The following HDAC9 variants were observed in gnomAD, a reference collection of about 807,000 sequenced individuals.
The protein encoded by HDAC9 is histone deacetylase 9, also known as MEF-2 interacting transcription repressor (MITR) protein.
HDAC9 carries 41 observed loss-of-function variants against 139.4 expected under a neutral mutation model. The observed-to-expected ratio is 0.29, with a 90% CI of 0.23 to 0.38. The LOEUF is 0.38. Among genes scored for constraint, HDAC9 ranks in the 10% least tolerant of loss-of-function variants. The probability of loss-of-function intolerance (pLI) is 1.00; values close to 1 mark genes in which losing one functional copy is unlikely to be tolerated. For missense variants in HDAC9, 1,147 were observed against 1,297.0 expected, an observed-to-expected ratio of 0.88 and a Z score of 1.78; for synonymous variants, 517 against 476.2, an observed-to-expected ratio of 1.09 and a Z score of -1.12.
chr7:18,859,850 A>ATGTGTGTGTGTGTGTGTGTGTGTG (rs1157775071), intron 21 of HDAC9, among the ~76,000 whole-genome samples: 26 of 123,400 alleles, frequency 2.1e-4, no homozygotes, highest in Non-Finnish European at 3.2e-4. Context: ...ATATATATAT[A>ATGTGTGTGTGTGTGTGTGTGTGTG]TATATATATG....
intron 17 of HDAC9, among the ~76,000 whole-genome samples, chr7:18,805,818 A>C (rs1165759253): frequency 6.6e-6 from 1 of 152,242 alleles, no homozygotes; most frequent in Non-Finnish European, 1.5e-5. Flanking sequence ...TTGCTAATCC[A>C]GTCTTTATGA....
At chr7:18,900,538 C>T (rs1024854307) in intron 22 of HDAC9, among the ~76,000 whole-genome samples, 2 of 152,112 alleles carry the variant, frequency 1.3e-5, no homozygotes, top group African/African-American at 4.8e-5. Context: ...TTTTGAAGTC[C>T]ATGGCCAAGA....
At chr7:18,304,005 G>T (rs613852) in intron 1 of HDAC9, among the ~76,000 whole-genome samples, 25,103 of 152,194 alleles carry the variant, frequency 0.16, 2,195 homozygotes, top group East Asian at 0.26. Flanking sequence ...TGGTTTCTTT[G>T]TTACAGCAGC....
chr7:18,214,270 T>C (rs1005657496), intron 2 of HDAC9, among the ~76,000 whole-genome samples: 1 of 152,120 alleles, frequency 6.6e-6, no homozygotes, highest in Admixed American at 6.6e-5. Context: ...TTGAAGCTAC[T>C]CTTGTATTAA....
rs1283505384 is a variant in HDAC9, at chr7:18,878,597, A to G, written c.2803+4001A>G. ...TCAATAGACATAGAAAAGGCTTTCG[A>G]TAAAATTCAACGCCCCTTCTTGATA... On this transcript the variant is annotated intron_variant, in intron 22 of 25. Transcript: ENST00000686413. Among the ~76,000 whole-genome samples, 6 of 152,328 alleles carry G rather than the reference A, an allele frequency of 3.9e-5. No homozygotes were observed. The South Asian group carries it at 1.2e-3, about 32-fold the overall frequency.
rs1178343 is a variant in HDAC9, at chr7:18,179,018, G to T, written c.25+16669G>T. Among the ~76,000 whole-genome samples the T allele has an allele frequency of 5.5e-3, 835 of 152,276 alleles. 9 individuals carry two copies. Among genetic ancestry groups the T allele is most frequent in the African/African-American group, 0.019 (799 of 41,536 alleles). ...GGCTTCATTATTTGACAGTGTTGTG[G>T]TATGGCATTTAATGGAGAACAAGAT... On this transcript the variant is annotated intron_variant, in intron 2 of 12. Coordinates refer to the HDAC9 transcript ENST00000417496.
At chr7:18,315,476 C>T (rs1433080174) in intron 1 of HDAC9, among the ~76,000 whole-genome samples, 1 of 152,206 alleles carries the variant, frequency 6.6e-6, no homozygotes, top group African/African-American at 2.4e-5. Flanking sequence ...GTGCTTTATA[C>T]TTTCTCTCAT....
At chr7:18,879,972 A>G (rs1488417659) in intron 22 of HDAC9, among the ~76,000 whole-genome samples, 1 of 152,152 alleles carries the variant, frequency 6.6e-6, no homozygotes, top group Non-Finnish European at 1.5e-5. Context: ...CAAGAGAAAA[A>G]CAACCCCATT....
chr7:18,397,020 T>A (rs1035517747), intron 1 of HDAC9, among the ~76,000 whole-genome samples: 1 of 151,992 alleles, frequency 6.6e-6, no homozygotes, highest in African/African-American at 2.4e-5. Flanking sequence ...AAATCCACTC[T>A]ATGTTGGAAA....
chr7:18,857,153 TTGTC>T (rs1797742573), intron 21 of HDAC9, among the ~76,000 whole-genome samples: 1 of 152,190 alleles, frequency 6.6e-6, no homozygotes, highest in African/African-American at 2.4e-5. Flanking sequence ...GCTTTTCCTT[TTGTC>T]TGGAAGTATT....
At chr7:18,331,174 T>A (rs534678580) in intron 1 of HDAC9, among the ~76,000 whole-genome samples, 272 of 151,730 alleles carry the variant, frequency 1.8e-3, no homozygotes, top group African/African-American at 6.4e-3. Context: ...GCTTTTGTTT[T>A]AATTGTTCCT....
At chr7:18,447,253 A>C (rs944759274) in intron 1 of HDAC9, among the ~76,000 whole-genome samples, 1 of 151,904 alleles carries the variant, frequency 6.6e-6, no homozygotes, top group African/African-American at 2.4e-5. Flanking sequence ...ACCTAAAATA[A>C]CCCCCATGTG....
At chr7:18,356,370 T>TTTTG (rs1783296134) in intron 1 of HDAC9, among the ~76,000 whole-genome samples, 1 of 142,906 alleles carries the variant, frequency 7.0e-6, no homozygotes, top group African/African-American at 2.6e-5. Flanking sequence ...TTTTTTTTTT[T>TTTTG]TTTTTTTTTT....
At chr7:18,376,928 T>C (rs1785036171) in intron 1 of HDAC9, among the ~76,000 whole-genome samples, 1 of 152,130 alleles carries the variant, frequency 6.6e-6, no homozygotes, top group African/African-American at 2.4e-5. Context: ...GTTATTTTAT[T>C]ATGGCAACCT....
At chr7:18,232,518 G>A (rs549110784) in intron 2 of HDAC9, among the ~76,000 whole-genome samples, 4 of 152,144 alleles carry the variant, frequency 2.6e-5, no homozygotes, top group South Asian at 2.1e-4. Context: ...TTCACAGAGC[G>A]CCTCAAAATT....
At chr7:18,694,579 A>T (rs1398963724) in intron 12 of HDAC9, among the ~76,000 whole-genome samples, 1 of 152,116 alleles carries the variant, frequency 6.6e-6, no homozygotes, top group Non-Finnish European at 1.5e-5. Context: ...AGAGACTTCT[A>T]AGAGATGGGA....
chr7:18,985,262 T>C (rs1242919536), intron 25 of HDAC9, among the ~76,000 whole-genome samples: 1 of 152,056 alleles, frequency 6.6e-6, no homozygotes, highest in Non-Finnish European at 1.5e-5. Context: ...ATGTTCCCCT[T>C]CCTGTGTCCA....
chr7:18,315,374 C>T (rs954194246), intron 1 of HDAC9, among the ~76,000 whole-genome samples: 2 of 152,104 alleles, frequency 1.3e-5, no homozygotes, highest in African/African-American at 2.4e-5. Context: ...CAGCGTGGCT[C>T]ATTAGCTGCT....
chr7:18,638,692 C>G (rs1374750973), intron 8 of HDAC9, among the ~76,000 whole-genome samples: 1 of 152,090 alleles, frequency 6.6e-6, no homozygotes, highest in Admixed American at 6.6e-5. Context: ...GTAGGGAAAA[C>G]TCATTAGCAT....
Sources: gnomAD v4.1 joint callset for allele counts (sites outside exome capture counted in the v4.1 genomes callset) on GRCh38, gnomAD v4.1.1 for gene constraint, MANE v1.5 for transcripts, NCBI Gene and HGNC (gene_info 2026-07-23, HGNC 2026-07-21) for gene names.